Variants in KCNIP1 observed in about 807,000 individuals in gnomAD.
KCNIP1 encodes the protein A-type potassium channel modulatory protein KCNIP1.
In KCNIP1, 18 loss-of-function variants were observed where a neutral mutation model predicts 33.0. That is an observed-to-expected ratio of 0.55 (90% CI 0.38 to 0.81). The LOEUF is 0.81. Ranked by LOEUF, KCNIP1 falls within the 30% of genes least tolerant of loss-of-function variation. KCNIP1 has a pLI of 0.00. For missense variants in KCNIP1, 238 were observed against 271.6 expected (o/e 0.88, Z 0.87); for synonymous variants, 93 against 98.3 (o/e 0.95, Z 0.32).
rs1296990393 is a variant in KCNIP1 at position 170,405,721 on chromosome 5, ATCT to A, written c.88+51762_88+51764del. 7.9e-5 allele frequency among the ~76,000 whole-genome samples: 12 copies of A among 152,190 alleles called. No individual in the cohort carries two copies. The East Asian group carries it at 2.3e-3, about 29-fold the overall frequency. ...ATAACGATTGGTTCAGGCCCCTGTG[ATCT>A]TCTTGTCCATGTGAGACTGGATGAG... On this transcript the variant is annotated intron_variant, in intron 1 of 7. Coordinates refer to the KCNIP1 transcript ENST00000377360.
chr5:170,673,026 T>C (rs533958097), intron 1 of KCNIP1, among the ~76,000 whole-genome samples: 2 of 152,382 alleles, frequency 1.3e-5, no homozygotes, highest in East Asian at 3.9e-4. Flanking sequence ...GACTATCTAT[T>C]ATAGCAGGTC....
intron 1 of KCNIP1, among the ~76,000 whole-genome samples, chr5:170,487,797 C>T (rs956866163): frequency 6.6e-6 from 1 of 152,140 alleles, no homozygotes; most frequent in Non-Finnish European, 1.5e-5. Context: ...GGATTACAGG[C>T]ATGAACCACT....
intron 1 of KCNIP1, among the ~76,000 whole-genome samples, chr5:170,527,451 A>G (rs1191186066): frequency 2.6e-5 from 4 of 152,194 alleles, no homozygotes; most frequent in African/African-American, 9.6e-5. Context: ...TCTATGGAAC[A>G]TTAAAAAGGT....
At chr5:170,446,302 T>C (rs1243911486) in intron 1 of KCNIP1, among the ~76,000 whole-genome samples, 2 of 152,206 alleles carry the variant, frequency 1.3e-5, no homozygotes, top group Non-Finnish European at 2.9e-5. Context: ...TTTGAAGGTA[T>C]TGGACTCTTA....
chr5:170,538,052 CAG>C (rs1387960768), intron 1 of KCNIP1, among the ~76,000 whole-genome samples: 1 of 152,208 alleles, frequency 6.6e-6, no homozygotes, highest in Non-Finnish European at 1.5e-5. Flanking sequence ...CTCAGTTCTT[CAG>C]AGAGCCCTGG....
At chr5:170,395,108 G>A (rs1754725561) in intron 1 of KCNIP1, among the ~76,000 whole-genome samples, 1 of 152,194 alleles carries the variant, frequency 6.6e-6, no homozygotes, top group African/African-American at 2.4e-5. Context: ...CTTTGTGTAT[G>A]CATCCAGCAG....
intron 1 of KCNIP1, among the ~76,000 whole-genome samples, chr5:170,551,225 C>T (rs1756620390): frequency 6.6e-6 from 1 of 152,218 alleles, no homozygotes. Context: ...GCTGATCTCA[C>T]CCTGGAATGC....
At chr5:170,636,221 C>T (rs1393979768) in intron 1 of KCNIP1, among the ~76,000 whole-genome samples, 7 of 152,274 alleles carry the variant, frequency 4.6e-5, no homozygotes, top group East Asian at 1.9e-4. Flanking sequence ...GGAATTGTGG[C>T]GTCATTGGCG....
At chr5:170,475,467 C>T (rs1469849149) in intron 1 of KCNIP1, among the ~76,000 whole-genome samples, 1 of 152,198 alleles carries the variant, frequency 6.6e-6, no homozygotes, top group East Asian at 1.9e-4. Flanking sequence ...TGCAGACCCA[C>T]TGAGAGGTGA....
intron 1 of KCNIP1, among the ~76,000 whole-genome samples, chr5:170,371,910 G>T (rs1763856013): frequency 6.6e-6 from 1 of 152,036 alleles, no homozygotes; most frequent in African/African-American, 2.4e-5. Context: ...CACGTAAGAG[G>T]GTTTTCTTCC....
intron 1 of KCNIP1, among the ~76,000 whole-genome samples, chr5:170,637,161 G>C (rs1443941618): frequency 6.6e-6 from 1 of 152,100 alleles, no homozygotes; most frequent in Non-Finnish European, 1.5e-5. Flanking sequence ...GAACCAAGGG[G>C]GATGGTGGAT....
intron 1 of KCNIP1, among the ~76,000 whole-genome samples, chr5:170,606,585 T>C (rs1758929575): frequency 6.6e-6 from 1 of 152,034 alleles, no homozygotes; most frequent in African/African-American, 2.4e-5. Flanking sequence ...AAGGTGGCCA[T>C]CTCAAATGTT....
At chr5:170,474,726 G>A (rs1230686431) in intron 1 of KCNIP1, among the ~76,000 whole-genome samples, 7 of 152,198 alleles carry the variant, frequency 4.6e-5, no homozygotes, top group Admixed American at 2.6e-4. Flanking sequence ...GCAATGCTGC[G>A]AGTGGAACCC....
chr5:170,445,272 T>A (rs1417964639), intron 1 of KCNIP1, among the ~76,000 whole-genome samples: 1 of 152,114 alleles, frequency 6.6e-6, no homozygotes, highest in African/African-American at 2.4e-5. Context: ...TTGTCTCCAA[T>A]TGCCTCAGAT....
intron 1 of KCNIP1, among the ~76,000 whole-genome samples, chr5:170,491,370 C>T (rs1757202880): frequency 6.6e-6 from 1 of 152,194 alleles, no homozygotes; most frequent in African/African-American, 2.4e-5. Flanking sequence ...CCAGCCAGGA[C>T]TCATACTATT....
intron 1 of KCNIP1, among the ~76,000 whole-genome samples, chr5:170,590,054 G>C (rs1758187811): frequency 6.6e-6 from 1 of 152,170 alleles, no homozygotes; most frequent in South Asian, 2.1e-4. Context: ...TGTATAGGAA[G>C]TATGAGCAGA....
intron 1 of KCNIP1, among the ~76,000 whole-genome samples, chr5:170,670,441 A>G (rs904890475): frequency 9.2e-5 from 14 of 152,162 alleles, no homozygotes; most frequent in African/African-American, 3.4e-4. Context: ...CAGTTCTCTG[A>G]CCTCACTACC....
At position 170,504,472 on chromosome 5, in the gene KCNIP1, T is replaced by C; in HGVS notation, c.-101T>C. On this transcript the variant is annotated 5_prime_UTR_variant, in exon 1 of 8. Coordinates refer to ENST00000328939, the MANE Select transcript of KCNIP1 (RefSeq NM_014592.4). The surrounding 1 kb of genome is among the most constrained non-coding windows in gnomAD (Gnocchi z 6.0). ...CTGCAGGCGAGCTGCCGGGCGCTTTTCTCTCCTCCAATTCAGAGTAGACAA... is the reference window on the plus strand; with the variant it reads ...CTGCAGGCGAGCTGCCGGGCGCTTTCCTCTCCTCCAATTCAGAGTAGACAA... The C allele has an allele frequency of 6.3e-7, 1 of 1,575,866 alleles. No homozygotes were observed. Among genetic ancestry groups the C allele is most frequent in the East Asian group, 2.2e-5 (1 of 44,512 alleles).
chr5:170,353,796 G>T, exon 1 of KCNIP1: 1 of 1,297,824 alleles, frequency 7.7e-7, no homozygotes, highest in Non-Finnish European at 1.1e-6. Context: ...CACCCAGGCA[G>T]GCTCCAAGTT....
Sources: gnomAD v4.1 joint callset for allele counts (sites outside exome capture counted in the v4.1 genomes callset) on GRCh38, gnomAD v4.1.1 for gene constraint, Gnocchi (gnomAD v3.1) non-coding constraint, MANE v1.5 for transcripts, NCBI Gene and HGNC (gene_info 2026-07-23, HGNC 2026-07-21) for gene names.